The following SLC41A2 variants were observed in gnomAD, a reference collection of about 807,000 sequenced individuals.
The protein encoded by SLC41A2 is SLC41A1-like 1.
A neutral mutation model predicts 58.3 loss-of-function variants in SLC41A2; 32 were observed. The ratio of observed to expected loss-of-function variants is 0.55; its 90% CI spans 0.41 to 0.74. SLC41A2 has a LOEUF of 0.74. Among genes scored for constraint, SLC41A2 ranks in the 30% least tolerant of loss-of-function variants. The probability of loss-of-function intolerance (pLI) is 0.00; values close to 1 mark genes in which losing one functional copy is unlikely to be tolerated. For missense variants in SLC41A2, 514 were observed against 680.6 expected (o/e 0.76, Z 2.72); for synonymous variants, 190 against 235.0 (o/e 0.81, Z 1.75).
intron 6 of SLC41A2, among the ~76,000 whole-genome samples, chr12:104,885,545 T>C (rs2135640104): frequency 6.6e-6 from 1 of 152,330 alleles, no homozygotes; most frequent in Non-Finnish European, 1.5e-5. Context: ...ATACTCATGT[T>C]TTTTTCTTGT....
At chr12:104,953,656 G>A (rs2048039477) in intron 1 of SLC41A2, among the ~76,000 whole-genome samples, 2 of 152,110 alleles carry the variant, frequency 1.3e-5, no homozygotes, top group African/African-American at 2.4e-5. Context: ...CATCTGGGTA[G>A]GTAAATTAAG....
Position 104,891,726 on chromosome 12 carries a change from A to G in SLC41A2, c.736-2549T>C, listed in dbSNP as rs1054039625. ...CAGATAAGAGAAAGAAATGAAGGGC[A>G]TCTAAATTGGAAAGAAAGAAGTCAA... On this transcript the variant is annotated intron_variant, in intron 4 of 10. Coordinates refer to ENST00000258538, the MANE Select transcript of SLC41A2 (RefSeq NM_001352171.3). Among the ~76,000 whole-genome samples, 6 of 151,938 alleles carry G rather than the reference A, an allele frequency of 3.9e-5. No homozygotes were observed. In the South Asian group the frequency reaches 1.2e-3, roughly 31 times the overall value.
At position 104,844,720 on chromosome 12, in the gene SLC41A2, C is replaced by T. The variant is rs191009462; in HGVS notation, c.1388-100G>A. ...TGAGGATTACTTTCTAGTTACTATA[C>T]TTCATACTATCACATGAAATTTGAT... On this transcript the variant is annotated intron_variant, in intron 9 of 10. Coordinates refer to ENST00000258538, the MANE Select transcript of SLC41A2 (RefSeq NM_001352171.3). 58 of 490,702 alleles carry T rather than the reference C, an allele frequency of 1.2e-4. No homozygotes were observed. In the East Asian group the frequency reaches 2.1e-3, roughly 18 times the overall value. The allele number at this position is 490,702 out of a possible 1,614,324, so 30.4% of individuals were successfully genotyped here.
intron 5 of SLC41A2, among the ~76,000 whole-genome samples, chr12:104,887,366 A>T (rs1459793492): frequency 6.6e-6 from 1 of 151,886 alleles, no homozygotes; most frequent in African/African-American, 2.4e-5. Context: ...AGTAGGGCTT[A>T]AATTCTTGCC....
intron 6 of SLC41A2, among the ~76,000 whole-genome samples, chr12:104,872,493 G>A (rs905962636): frequency 1.3e-5 from 2 of 152,154 alleles, no homozygotes; most frequent in African/African-American, 4.8e-5. Context: ...CAGCAATTTG[G>A]GAGGCCGACA....
intron 1 of SLC41A2, among the ~76,000 whole-genome samples, chr12:104,930,247 AG>A (rs2135895780): frequency 6.6e-6 from 1 of 152,262 alleles, no homozygotes; most frequent in African/African-American, 2.4e-5. Flanking sequence ...TGCCACTTAT[AG>A]GCTGGCCAGT....
intron 10 of SLC41A2, among the ~76,000 whole-genome samples, chr12:104,835,417 T>C (rs769744357): frequency 5.9e-5 from 9 of 152,254 alleles, no homozygotes; most frequent in African/African-American, 1.2e-4. Context: ...TCTAACCTTA[T>C]TTTTCATCAC....
chr12:104,839,590 G>A (rs1325756342), intron 10 of SLC41A2, among the ~76,000 whole-genome samples: 1 of 149,788 alleles, frequency 6.7e-6, no homozygotes, highest in African/African-American at 2.5e-5. Context: ...TGCAAGCTCT[G>A]CCTCCCAGGT....
At chr12:104,914,827 C>A (rs1232456627) in intron 2 of SLC41A2, among the ~76,000 whole-genome samples, 1 of 152,224 alleles carries the variant, frequency 6.6e-6, no homozygotes, top group Non-Finnish European at 1.5e-5. Flanking sequence ...CAGGACTGTG[C>A]CTGCACATAG....
chr12:104,947,338 G>A (rs1315144053), intron 1 of SLC41A2, among the ~76,000 whole-genome samples: 15 of 150,688 alleles, frequency 1.0e-4, no homozygotes, highest in Admixed American at 9.9e-4. Context: ...TGAGTAGCTG[G>A]GACTACAGGT....
At chr12:104,933,924 G>A (rs554019775) in intron 1 of SLC41A2, among the ~76,000 whole-genome samples, 45 of 152,152 alleles carry the variant, frequency 3.0e-4, no homozygotes, top group African/African-American at 1.0e-3. Flanking sequence ...TCAGAAAGGG[G>A]GAGGGTGGGA....
chr12:104,932,756 GA>G (rs1167914672), intron 1 of SLC41A2, among the ~76,000 whole-genome samples: 1 of 150,252 alleles, frequency 6.7e-6, no homozygotes. Context: ...TGATATTCAA[GA>G]AGCACATAAA....
chr12:104,854,397 A>G (rs2042943676), intron 8 of SLC41A2, among the ~76,000 whole-genome samples: 1 of 152,032 alleles, frequency 6.6e-6, no homozygotes, highest in Non-Finnish European at 1.5e-5. Context: ...CCCCGTCTCT[A>G]CTAAAAATAC....
At chr12:104,835,972 G>A (rs1359136365) in intron 10 of SLC41A2, among the ~76,000 whole-genome samples, 2 of 152,154 alleles carry the variant, frequency 1.3e-5, no homozygotes, top group African/African-American at 2.4e-5. Flanking sequence ...AGCCTCCACA[G>A]TAGCTGAGAT....
At chr12:104,853,926 T>TATTTTTTTTTTA (rs1317838285) in intron 8 of SLC41A2, among the ~76,000 whole-genome samples, 1 of 118,850 alleles carries the variant, frequency 8.4e-6, no homozygotes, top group Non-Finnish European at 1.9e-5. Context: ...TTTTTTTTTT[T>TATTTTTTTTTTA]TTTTTTTTTT....
chr12:104,816,117 A>AC (rs1297578535), intron 10 of SLC41A2, among the ~76,000 whole-genome samples: 2 of 152,134 alleles, frequency 1.3e-5, no homozygotes, highest in Admixed American at 6.6e-5. Context: ...TCCAAAGCCC[A>AC]CACTGCTTCT....
At chr12:104,825,354 C>T (rs188476585) in intron 10 of SLC41A2, among the ~76,000 whole-genome samples, 6 of 152,298 alleles carry the variant, frequency 3.9e-5, no homozygotes, top group African/African-American at 4.8e-5. Flanking sequence ...CAGGACCCCA[C>T]GGGGTCAACA....
rs1210123356 is a variant in SLC41A2, at chr12:104,928,186, A to C, written c.342T>G (p.Asn114Lys). Residue 114 changes from asparagine to lysine, a missense_variant, in exon 2 of 11, where the codon AAT becomes AAG. By Grantham distance (94) the Asn-to-Lys change is moderately conservative. Around this residue, in one of 3 missense-constraint regions of SLC41A2, gnomAD observed 336 missense variants for 430.0 expected, o/e 0.78. Transcript: ENST00000258538. ...SCSQKYDDYA[N>K]YNYCDGRETS... is the part of the protein sequence containing the mutation. ...TCTCCCTTCCATCACAGTAATTATAATTGGCATAGTCATCATACTTTTGGC... is the reference window on the plus strand; with the variant it reads ...TCTCCCTTCCATCACAGTAATTATACTTGGCATAGTCATCATACTTTTGGC... 1.9e-6 allele frequency: 3 copies of C among 1,614,118 alleles called. No individual in the cohort carries two copies. The highest frequency in any genetic ancestry group is 1.7e-6 in the Non-Finnish European group (2 of 1,180,004).
At chr12:104,875,939 G>A (rs1379717731) in intron 6 of SLC41A2, among the ~76,000 whole-genome samples, 2 of 152,162 alleles carry the variant, frequency 1.3e-5, no homozygotes, top group Non-Finnish European at 2.9e-5. Context: ...TCTTTGTTGG[G>A]AGGATTTTAA....
Sources: allele counts gnomAD v4.1 joint callset (sites outside exome capture counted in the v4.1 genomes callset), GRCh38; gene constraint gnomAD v4.1.1; regional missense constraint gnomAD v4.1.1; transcripts MANE v1.5; gene names NCBI Gene and HGNC (gene_info 2026-07-23, HGNC 2026-07-21).